The following TRPM3 variants were observed in gnomAD, a reference collection of about 807,000 sequenced individuals.
TRPM3 encodes long transient receptor potential channel 3.
TRPM3 carries 77 observed loss-of-function variants against 181.2 expected under a neutral mutation model. The ratio of observed to expected loss-of-function variants is 0.42; its 90% CI spans 0.35 to 0.51. TRPM3 has a LOEUF of 0.51. Ranked by LOEUF, TRPM3 falls within the 20% of genes least tolerant of loss-of-function variation. The pLI is 0.01. For synonymous variants in TRPM3, 745 were observed against 796.4 expected (o/e 0.94, Z 1.09); for missense variants, 1,759 against 2,196.7 (o/e 0.80, Z 3.98).
At chr9:70,995,614 G>A (rs2097534724) in intron 1 of TRPM3, among the ~76,000 whole-genome samples, 1 of 152,116 alleles carries the variant, frequency 6.6e-6, no homozygotes, top group Admixed American at 6.5e-5. Context: ...TAGTAAAGAA[G>A]AGTGAGATGT....
At chr9:71,231,080 C>T (rs899642654) in intron 1 of TRPM3, among the ~76,000 whole-genome samples, 24 of 152,158 alleles carry the variant, frequency 1.6e-4, no homozygotes, top group Middle Eastern at 3.2e-3. Flanking sequence ...ACAATATACA[C>T]ACAATATACA....
At chr9:71,294,762 T>C (rs989512249) in intron 1 of TRPM3, among the ~76,000 whole-genome samples, 1 of 152,144 alleles carries the variant, frequency 6.6e-6, no homozygotes, top group Admixed American at 6.5e-5. Context: ...GAGCATTAAA[T>C]TGTGATTTAC....
intron 1 of TRPM3, among the ~76,000 whole-genome samples, chr9:71,252,054 A>G (rs954413176): frequency 1.7e-4 from 26 of 152,188 alleles, no homozygotes; most frequent in Non-Finnish European, 3.4e-4. Flanking sequence ...TTTATGGCTG[A>G]ATAGTATTCC....
chr9:71,236,891 A>G (rs1409438635), intron 1 of TRPM3, among the ~76,000 whole-genome samples: 4 of 152,090 alleles, frequency 2.6e-5, no homozygotes, highest in Non-Finnish European at 5.9e-5. Flanking sequence ...TACTAAAAAC[A>G]CAAAAATTAG....
chr9:71,421,819 A>G (rs556980947), intron 1 of TRPM3, among the ~76,000 whole-genome samples: 1 of 152,114 alleles, frequency 6.6e-6, no homozygotes, highest in South Asian at 2.1e-4. Context: ...CAAAACGTAG[A>G]AAAGGAATAA....
At chr9:71,326,870 C>A (rs2089723428) in intron 1 of TRPM3, among the ~76,000 whole-genome samples, 1 of 152,172 alleles carries the variant, frequency 6.6e-6, no homozygotes, top group Non-Finnish European at 1.5e-5. Context: ...TGGTGCAGTT[C>A]CCAGGCTCCA....
chr9:71,129,828 T>G (rs111351685), intron 1 of TRPM3, among the ~76,000 whole-genome samples: 309 of 152,278 alleles, frequency 2.0e-3, no homozygotes, highest in African/African-American at 7.1e-3. Flanking sequence ...GAAGCAGTGG[T>G]TCTTCCAGAA....
intron 1 of TRPM3, among the ~76,000 whole-genome samples, chr9:71,103,053 C>CT (rs1340724097): frequency 6.6e-6 from 1 of 152,016 alleles, no homozygotes; most frequent in Admixed American, 6.6e-5. Context: ...AAAGAAGTTG[C>CT]TTTTTAGTTT....
At chr9:70,632,291 A>T (rs2133412424) in intron 12 of TRPM3, among the ~76,000 whole-genome samples, 1 of 152,288 alleles carries the variant, frequency 6.6e-6, no homozygotes, top group Non-Finnish European at 1.5e-5. Context: ...CACCTGAGAA[A>T]GTTGTGCACC....
chr9:71,339,094 C>T (rs1478740650), intron 1 of TRPM3, among the ~76,000 whole-genome samples: 1 of 151,940 alleles, frequency 6.6e-6, no homozygotes, highest in South Asian at 2.1e-4. Context: ...CAAGACAAAA[C>T]TCAATCCACA....
At chr9:71,232,330 C>G (rs1476262568) in intron 1 of TRPM3, among the ~76,000 whole-genome samples, 1 of 151,994 alleles carries the variant, frequency 6.6e-6, no homozygotes, top group Non-Finnish European at 1.5e-5. Context: ...AATTATAAAA[C>G]CAGAAGTTAA....
intron 1 of TRPM3, among the ~76,000 whole-genome samples, chr9:71,018,033 ATCCCCCG>A (rs1417087478): frequency 6.6e-6 from 1 of 151,938 alleles, no homozygotes; most frequent in African/African-American, 2.4e-5. Context: ...TAACTGAATG[ATCCCCCG>A]CTGTTTAAGA....
intron 8 of TRPM3, among the ~76,000 whole-genome samples, chr9:70,746,680 T>C (rs2075220481): frequency 1.3e-5 from 2 of 152,054 alleles, no homozygotes; most frequent in South Asian, 4.1e-4. Context: ...ACTATATTTA[T>C]CACATTGGGG....
chr9:70,865,782 G>C (rs1167929584), intron 1 of TRPM3, among the ~76,000 whole-genome samples: 7 of 152,026 alleles, frequency 4.6e-5, no homozygotes, highest in African/African-American at 7.2e-5. Flanking sequence ...CATGAGCCAT[G>C]GTTGAGGGGC....
At chr9:70,802,396 A>G (rs2089372832) in intron 6 of TRPM3, among the ~76,000 whole-genome samples, 1 of 152,228 alleles carries the variant, frequency 6.6e-6, no homozygotes, top group Admixed American at 6.5e-5. Flanking sequence ...GCAGCCAGAG[A>G]CATCACATAA....
At chr9:71,370,770 A>G (rs2092483783) in intron 1 of TRPM3, among the ~76,000 whole-genome samples, 1 of 152,216 alleles carries the variant, frequency 6.6e-6, no homozygotes, top group African/African-American at 2.4e-5. Context: ...AATGAAGACA[A>G]AGCAGCCTTC....
intron 1 of TRPM3, among the ~76,000 whole-genome samples, chr9:71,154,476 T>A (rs1263765508): frequency 1.3e-5 from 2 of 152,132 alleles, no homozygotes. Flanking sequence ...GAACCTATTG[T>A]TATTTAACAC....
At chr9:70,983,343 C>G (rs1234557539) in intron 1 of TRPM3, among the ~76,000 whole-genome samples, 1 of 152,042 alleles carries the variant, frequency 6.6e-6, no homozygotes, top group Admixed American at 6.6e-5. Flanking sequence ...ACTACTTTAT[C>G]CACTCTTTAC....
chr9:71,333,527 G>C (rs1274683432), intron 1 of TRPM3, among the ~76,000 whole-genome samples: 1 of 152,010 alleles, frequency 6.6e-6, no homozygotes, highest in African/African-American at 2.4e-5. Flanking sequence ...ACTGCCATGT[G>C]ATAAGTTGCC....
Sources: allele counts gnomAD v4.1 joint callset (sites outside exome capture counted in the v4.1 genomes callset), GRCh38; gene constraint gnomAD v4.1.1; transcripts MANE v1.5; gene names NCBI Gene and HGNC (gene_info 2026-07-23, HGNC 2026-07-21).